PARP3: variants seen among roughly 807,000 people sequenced by gnomAD.
The protein encoded by PARP3 is poly(ADP-ribose) polymerase family member 3, also known as protein mono-ADP-ribosyltransferase PARP3.
A neutral mutation model predicts 58.2 loss-of-function variants in PARP3; 46 were observed. The observed-to-expected ratio is 0.79, with a 90% CI of 0.62 to 1.01. The LOEUF is 1.01. PARP3 is among the 50% of genes least tolerant of loss of function. PARP3 has a pLI of 0.00. For missense variants in PARP3, 663 were observed against 683.9 expected, an observed-to-expected ratio of 0.97 and a Z score of 0.34; for synonymous variants, 252 against 266.4, an observed-to-expected ratio of 0.95 and a Z score of 0.53.
chr3:51,947,218 C>T (rs889285790), intron 9 of PARP3, among the ~76,000 whole-genome samples: 3 of 152,198 alleles, frequency 2.0e-5, no homozygotes, highest in Admixed American at 1.3e-4. Flanking sequence ...CAGACCAGCT[C>T]CTCCACCCAG....
Position 51,944,791 on chromosome 3 carries a change from C to T in PARP3, c.515C>T (p.Pro172Leu). 1 of 1,611,568 alleles carries T rather than the reference C, an allele frequency of 6.2e-7. No homozygotes were observed. The highest frequency in any genetic ancestry group is 1.3e-5 in the African/African-American group (1 of 74,996). The part of the protein sequence containing the change: ...QEAVVKVDRG[P>L]VRTVTKRVQP... ...CTCTATCTTCAGGTGGACAGAGGCCCAGTGAGGACTGTGACTAAGCGGGTG... is the reference window on the plus strand; with the variant it reads ...CTCTATCTTCAGGTGGACAGAGGCCTAGTGAGGACTGTGACTAAGCGGGTG... The change falls in exon 5 of 11, where the codon CCA becomes CTA. Residue 172 changes from proline (P) to leucine (L), a missense_variant. Pro to Leu is a moderately conservative substitution (Grantham distance 98). Around this residue, in one of 3 missense-constraint regions of PARP3, gnomAD observed 567 missense variants for 553.6 expected, o/e 1.02. Transcript: ENST00000398755. The surrounding 1 kb of genome is among the most constrained non-coding windows in gnomAD (Gnocchi z 4.2).
chr3:51,948,115 A>T (rs980194570), intron 10 of PARP3, among the ~76,000 whole-genome samples, 196 bp from the exon 11 acceptor site: 3 of 152,222 alleles, frequency 2.0e-5, no homozygotes, highest in African/African-American at 7.2e-5. Context: ...AAGGATTAGT[A>T]CAAGTTTCCC....
intron 10 of PARP3, 148 bp from the exon 11 acceptor site, chr3:51,948,163 C>A: frequency 1.2e-6 from 1 of 840,234 alleles, no homozygotes. Context: ...GCAGAAGCCC[C>A]AGCCCCTGCA....
chr3:51,945,958 C>CCT lies in PARP3; in HGVS notation c.1098+23_1098+24dup. ...AGGGGAGGTGAGGGAGGTTCCCCCACCTCTCCCCCATCACCACTGTGCCTT... is the reference window on the plus strand; with the variant it reads ...AGGGGAGGTGAGGGAGGTTCCCCCACCTCTCTCCCCCATCACCACTGTGCCTT... On this transcript the variant is annotated intron_variant, in intron 8 of 10. Transcript: ENST00000398755. 1.3e-6 allele frequency: 2 copies of CCT among 1,596,528 alleles called. No individual in the cohort carries two copies. The highest frequency in any genetic ancestry group is 1.3e-5 in the African/African-American group (1 of 74,692).
Position 51,942,552 on chromosome 3 carries a change from C to A in PARP3, c.-159C>A. 1 of 720,654 alleles carries A rather than the reference C, an allele frequency of 1.4e-6. No individual in the cohort carries two copies. The highest frequency in any genetic ancestry group is 2.6e-6 in the Non-Finnish European group (1 of 389,406). 44.6% of individuals were successfully genotyped at this position (720,654 alleles called of 1,614,324 possible). On this transcript the variant is annotated 5_prime_UTR_variant, in exon 1 of 11. Transcript: ENST00000398755. ...AATAGCCGATGTCTAATCCCCCACA[C>A]AAGCTCATCCCCGGCCTCTGGCGAT...
At chr3:51,945,457 C>G in intron 6 of PARP3, 38 bp from the exon 7 acceptor site, 1 of 1,603,938 alleles carries the variant, frequency 6.2e-7, no homozygotes, top group Non-Finnish European at 8.5e-7. Context: ...GGCCAGAGGT[C>G]AAGTGGGAAG....
intron 6 of PARP3, 77 bp from the exon 7 acceptor site, chr3:51,945,418 A>G (rs1447973678): frequency 2.2e-5 from 33 of 1,529,122 alleles, no homozygotes; most frequent in Non-Finnish European, 2.7e-5. Context: ...GGTGGCTACA[A>G]TACCAGTCAT....
In PARP3 at chr3:51,946,113, C is replaced by A; in HGVS notation, c.1099-53C>A. ...CTTGGTCACAAGCAGCAGGGCAAGG[C>A]GACTGAGTGCTCGGGTGGCATCACT... On this transcript the variant is annotated intron_variant, in intron 8 of 10. Transcript: ENST00000398755. This position sits in a 1 kb window ranked among gnomAD's most constrained non-coding sequence, Gnocchi z 4.6. 1 of 1,511,562 alleles carries A rather than the reference C, an allele frequency of 6.6e-7. No homozygotes were observed. The allele number at this position is 1,511,562 out of a possible 1,614,324, so 93.6% of individuals were successfully genotyped here. A position where few individuals can be genotyped will look rare whatever the true frequency, so the allele number is the denominator to read the frequency against.
At chr3:51,943,196 G>T (rs1321505198) in intron 1 of PARP3, 158 bp from the exon 2 acceptor site, 4 of 932,428 alleles carry the variant, frequency 4.3e-6, no homozygotes, top group Non-Finnish European at 6.3e-6. Context: ...AATGCCGTCA[G>T]AGTGGACACA....
chr3:51,948,535 C>A lies in PARP3; in HGVS notation c.*55C>A, dbSNP rs913238157. Reference sequence around the variant, plus strand: ...AGGCTGGACTGTGATCTTCAATCATCCTGCCCATCTCTGGTACCCCTATAT... The same window carrying A: ...AGGCTGGACTGTGATCTTCAATCATACTGCCCATCTCTGGTACCCCTATAT... On this transcript the variant is annotated 3_prime_UTR_variant, in exon 11 of 11. Coordinates refer to ENST00000398755, the MANE Select transcript of PARP3 (RefSeq NM_001003931.4). The A allele has an allele frequency of 3.0e-5, 46 of 1,512,382 alleles. No individual in the cohort carries two copies. In the African/African-American group the frequency reaches 5.6e-4, roughly 18 times the overall value. The allele number at this position is 1,512,382 out of a possible 1,614,324, so 93.7% of individuals were successfully genotyped here. A position where few individuals can be genotyped will look rare whatever the true frequency, so the allele number is the denominator to read the frequency against.
In PARP3 at chr3:51,946,794, A is replaced by G. The variant is rs915812544; in HGVS notation, c.1276+451A>G. Among the ~76,000 whole-genome samples the G allele has an allele frequency of 4.6e-5, 7 of 152,236 alleles. No individual in the cohort carries two copies. The highest frequency in any genetic ancestry group is 1.7e-4 in the African/African-American group (7 of 41,464). ...AGAGGAGACGTCAAGGCAAGGGGAT[A>G]GGCAGAGAGGCTGGGAGGATGTGAG... On this transcript the variant is annotated intron_variant, in intron 9 of 10. Transcript: ENST00000398755. This position sits in a 1 kb window ranked among gnomAD's most constrained non-coding sequence, Gnocchi z 4.6.
chr3:51,947,366 G>A (rs1699704317), intron 9 of PARP3, among the ~76,000 whole-genome samples: 1 of 152,192 alleles, frequency 6.6e-6, no homozygotes, highest in South Asian at 2.1e-4. Flanking sequence ...AGGGCAGAGG[G>A]GCTTAGGAAA....
rs114407300 is a variant in PARP3 at position 51,946,698 on chromosome 3, G to T, written c.1276+355G>T. Among the ~76,000 whole-genome samples the T allele has an allele frequency of 0.011, 1,676 of 152,280 alleles. 43 individuals carry two copies. Among genetic ancestry groups the T allele is most frequent in the African/African-American group, 0.039 (1,599 of 41,524 alleles). On this transcript the variant is annotated intron_variant, in intron 9 of 10. Coordinates refer to ENST00000398755, the MANE Select transcript of PARP3 (RefSeq NM_001003931.4). This position sits in a 1 kb window ranked among gnomAD's most constrained non-coding sequence, Gnocchi z 4.6. ...CGCTTGAGCCCACAAGTTTAAGGCT[G>T]CCATGAGCTATGATCACACTCCAGC...
At position 51,944,212 on chromosome 3, in the gene PARP3, C is replaced by T. The variant is rs372767757; in HGVS notation, c.307C>T (p.Arg103Cys). ...RFFTCWNRWG[R>C]VGEVGQSKIN... ...CTTCACCTGCTGGAACCGCTGGGGC[C>T]GTGTGGTGAGTGCCCTGCCTGCTCT... The change falls in exon 3 of 11, where the codon CGT becomes TGT. Residue 103 changes from arginine (R) to cysteine (C), a missense_variant. By Grantham distance (180) the Arg-to-Cys change is radical. Coordinates refer to ENST00000398755, the MANE Select transcript of PARP3 (RefSeq NM_001003931.4). This position sits in a 1 kb window ranked among gnomAD's most constrained non-coding sequence, Gnocchi z 4.2. 30 of 1,614,022 alleles carry T rather than the reference C, an allele frequency of 1.9e-5. No homozygotes were observed. The highest frequency in any genetic ancestry group is 3.3e-5 in the Admixed American group (2 of 60,024).
At chr3:51,945,975 C>T (rs1699667824) in intron 8 of PARP3, 36 bp downstream of exon 8, 1 of 1,559,640 alleles carries the variant, frequency 6.4e-7, no homozygotes, top group Non-Finnish European at 8.8e-7. Context: ...CCCATCACCA[C>T]TGTGCCTTAG....
At chr3:51,947,110 G>A (rs940718189) in intron 9 of PARP3, among the ~76,000 whole-genome samples, 1 of 152,220 alleles carries the variant, frequency 6.6e-6, no homozygotes, top group Admixed American at 6.5e-5. Flanking sequence ...AGAGGGGCAT[G>A]TAGGAGATGG....
Position 51,944,274 on chromosome 3 carries a change from A to G in PARP3, c.312+57A>G. 1.2e-6 allele frequency: 2 copies of G among 1,610,894 alleles called. No individual in the cohort carries two copies. The highest frequency in any genetic ancestry group is 1.3e-5 in the African/African-American group (1 of 74,996). ...CCAGGGTCCTCAAAAGGCCACAGCT[A>G]CTGACTTGGGGGGGCACCTCCCAAC... On this transcript the variant is annotated intron_variant, in intron 3 of 10. Transcript: ENST00000398755. The surrounding 1 kb of genome is among the most constrained non-coding windows in gnomAD (Gnocchi z 4.2).
chr3:51,945,199 T>C lies in PARP3; in HGVS notation c.836T>C (p.Leu279Pro). ...CCGCCCATCAATTCCCCTGAGCTTC[T>C]GCAGGCCAAGAAGGACATGCTGCTG... Reference protein sequence around the residue: ...QPPPINSPELLQAKKDMLLVL... With the variant: ...QPPPINSPELPQAKKDMLLVL... The change falls in exon 6 of 11, where the codon CTG (leucine) becomes CCG (proline). Residue 279 changes from leucine (L) to proline (P), a missense_variant. By Grantham distance (98) the Leu-to-Pro change is moderately conservative. Around this residue, in one of 3 missense-constraint regions of PARP3, gnomAD observed 567 missense variants for 553.6 expected, o/e 1.02. Transcript: ENST00000398755. 2 of 1,613,852 alleles carry C rather than the reference T, an allele frequency of 1.2e-6. No individual in the cohort carries two copies. Among genetic ancestry groups the C allele is most frequent in the Non-Finnish European group, 1.7e-6 (2 of 1,180,012 alleles).
Position 51,948,520 on chromosome 3 carries a change from G to A in PARP3, c.*40G>A, listed in dbSNP as rs990526743. 2 of 1,578,614 alleles carry A rather than the reference G, an allele frequency of 1.3e-6. No individual in the cohort carries two copies. The highest frequency in any genetic ancestry group is 1.7e-6 in the Non-Finnish European group (2 of 1,150,502). On this transcript the variant is annotated 3_prime_UTR_variant, in exon 11 of 11. Transcript: ENST00000398755. ...CCCCGGGGTCCTGCAAGGCTGGACTGTGATCTTCAATCATCCTGCCCATCT... is the reference window on the plus strand; with the variant it reads ...CCCCGGGGTCCTGCAAGGCTGGACTATGATCTTCAATCATCCTGCCCATCT...
Sources: gnomAD v4.1 joint callset for allele counts (sites outside exome capture counted in the v4.1 genomes callset) on GRCh38, gnomAD v4.1.1 for gene constraint, gnomAD v4.1.1 regional missense constraint, Gnocchi (gnomAD v3.1) non-coding constraint, MANE v1.5 for transcripts, NCBI Gene and HGNC (gene_info 2026-07-23, HGNC 2026-07-21) for gene names.